The following FGGY variants were observed in gnomAD, a reference collection of about 807,000 sequenced individuals.
FGGY encodes FGGY carbohydrate kinase domain containing, also known as FGGY carbohydrate kinase domain-containing protein.
A neutral mutation model predicts 71.3 loss-of-function variants in FGGY; 72 were observed. That is an observed-to-expected ratio of 1.01 (90% CI 0.84 to 1.23). The LOEUF (loss-of-function observed/expected upper bound fraction) is 1.23. FGGY is among the 50% of genes most tolerant of loss of function. The probability of loss-of-function intolerance (pLI) is 0.00; values close to 1 mark genes in which losing one functional copy is unlikely to be tolerated. For synonymous variants in FGGY, 251 were observed against 250.3 expected (o/e 1.00, Z -0.02); for missense variants, 668 against 682.3 (o/e 0.98, Z 0.23).
chr1:59,419,144 T>C (rs986218332), intron 5 of FGGY, among the ~76,000 whole-genome samples: 4 of 152,178 alleles, frequency 2.6e-5, no homozygotes, highest in African/African-American at 9.7e-5. Flanking sequence ...GTGGTGGTTG[T>C]GGTGCTAGTG....
intron 5 of FGGY, among the ~76,000 whole-genome samples, chr1:59,451,595 C>A (rs1263773813): frequency 6.6e-6 from 1 of 152,046 alleles, no homozygotes; most frequent in Non-Finnish European, 1.5e-5. Flanking sequence ...GTCTCAGTGT[C>A]TACTGGTTCC....
intron 14 of FGGY, among the ~76,000 whole-genome samples, chr1:59,733,792 C>A (rs543669201): frequency 6.6e-5 from 10 of 152,360 alleles, no homozygotes; most frequent in African/African-American, 2.2e-4. Context: ...CCTCACTCTG[C>A]ATCCCCCTAA....
intron 4 of FGGY, among the ~76,000 whole-genome samples, chr1:59,362,861 A>G (rs835437): frequency 0.02 from 3,110 of 152,320 alleles, 105 homozygotes; most frequent in African/African-American, 0.071. Flanking sequence ...TAGGAAGTAT[A>G]TTCCTGCCTT....
chr1:59,656,525 A>G (rs1394682509), intron 11 of FGGY, among the ~76,000 whole-genome samples: 5 of 152,194 alleles, frequency 3.3e-5, no homozygotes, highest in African/African-American at 1.2e-4. Context: ...AATTAAATGG[A>G]CTTAACGATC....
chr1:59,545,606 T>C (rs2095508311), intron 7 of FGGY, among the ~76,000 whole-genome samples: 1 of 152,242 alleles, frequency 6.6e-6, no homozygotes, highest in South Asian at 2.1e-4. Flanking sequence ...AAGTCTCAAA[T>C]TTCCAAGCTA....
intron 14 of FGGY, among the ~76,000 whole-genome samples, chr1:59,692,416 G>A (rs1037447526): frequency 2.6e-5 from 4 of 152,142 alleles, no homozygotes; most frequent in African/African-American, 9.7e-5. Context: ...AAGGTCCAGG[G>A]AAGATAATTA....
intron 8 of FGGY, among the ~76,000 whole-genome samples, chr1:59,592,424 C>T (rs1038320589): frequency 6.6e-6 from 1 of 152,092 alleles, no homozygotes; most frequent in Non-Finnish European, 1.5e-5. Flanking sequence ...ACCCAGCCAT[C>T]CCATTACTGG....
chr1:59,456,972 C>G lies in FGGY; in HGVS notation c.566C>G (p.Ser189Cys). The G allele has an allele frequency of 6.2e-7, 1 of 1,613,032 alleles. No homozygotes were observed. Among genetic ancestry groups the G allele is most frequent in the South Asian group, 1.1e-5 (1 of 91,056 alleles). The change falls in exon 6 of 16, where the codon TCC (serine) becomes TGC (cysteine). Residue 189 changes from serine to cysteine, a missense_variant. Physicochemically the swap from Ser to Cys is moderately radical, Grantham distance 112. This residue lies in a region of FGGY where 661 missense variants were observed against 661.6 expected (regional missense o/e 1.00). Coordinates refer to ENST00000303721, the MANE Select transcript of FGGY (RefSeq NM_018291.5). The stretch of plus-strand genomic sequence containing the variant: ...TTCTATTTTCTTAGGTCTCTCTGCT[C>G]CCTGGTGTGTAAGTGGACATATTCA... Reference protein sequence around the residue: ...ATGVTARSLCSLVCKWTYSAE... With the variant: ...ATGVTARSLCCLVCKWTYSAE...
chr1:59,753,508 ATATATG>A (rs1396777941), intron 14 of FGGY, among the ~76,000 whole-genome samples: 3 of 126,022 alleles, frequency 2.4e-5, no homozygotes, highest in East Asian at 2.6e-4. Context: ...ATATATATAT[ATATATG>A]GCATTACATG....
Position 59,604,479 on chromosome 1 carries a change from C to T in FGGY, c.904-3324C>T, listed in dbSNP as rs1056404939. On this transcript the variant is annotated intron_variant, in intron 8 of 15. Coordinates refer to ENST00000303721, the MANE Select transcript of FGGY (RefSeq NM_018291.5). ...ACAGAGGTCAACTCAAAACTTTCTC[C>T]CTGGACAGAGCCAAGCAAAACCATT... Among the ~76,000 whole-genome samples the T allele has an allele frequency of 5.9e-5, 9 of 152,264 alleles. No individual in the cohort carries two copies. The South Asian group carries it at 1.9e-3, about 32-fold the overall frequency.
At chr1:59,364,317 C>T (rs2056185414) in intron 4 of FGGY, among the ~76,000 whole-genome samples, 1 of 152,208 alleles carries the variant, frequency 6.6e-6, no homozygotes, top group South Asian at 2.1e-4. Flanking sequence ...CCTGCTAACC[C>T]TGAGAGAAGA....
At chr1:59,485,285 C>T (rs2093624079) in intron 6 of FGGY, among the ~76,000 whole-genome samples, 1 of 152,196 alleles carries the variant, frequency 6.6e-6, no homozygotes, top group Admixed American at 6.5e-5. Flanking sequence ...CATTTCCCAG[C>T]TCCCTTTGCA....
chr1:59,467,558 T>C (rs1235476458), intron 6 of FGGY, among the ~76,000 whole-genome samples: 1 of 152,158 alleles, frequency 6.6e-6, no homozygotes, highest in East Asian at 1.9e-4. Context: ...CTTTCTTTGA[T>C]CTTACATTTC....
At chr1:59,407,551 G>A (rs375547841) in intron 5 of FGGY, among the ~76,000 whole-genome samples, 3 of 151,880 alleles carry the variant, frequency 2.0e-5, no homozygotes, top group African/African-American at 7.3e-5. Flanking sequence ...TCATCCACGG[G>A]GAGAGAGAAA....
At chr1:59,669,685 G>A (rs1025559491) in intron 13 of FGGY, among the ~76,000 whole-genome samples, 1 of 151,262 alleles carries the variant, frequency 6.6e-6, no homozygotes, top group African/African-American at 2.4e-5. Flanking sequence ...ATGAGCCACC[G>A]CACCCGGCCC....
intron 8 of FGGY, among the ~76,000 whole-genome samples, chr1:59,573,383 A>G (rs1343114021): frequency 6.6e-6 from 1 of 152,110 alleles, no homozygotes; most frequent in East Asian, 1.9e-4. Context: ...TTTTGGAGTA[A>G]AAGGACATTA....
intron 11 of FGGY, among the ~76,000 whole-genome samples, chr1:59,653,537 T>C (rs867237024): frequency 3.2e-4 from 48 of 151,984 alleles, no homozygotes; most frequent in African/African-American, 1.1e-3. Flanking sequence ...CGTCACCCCT[T>C]TCTTTGACTC....
intron 2 of FGGY, among the ~76,000 whole-genome samples, chr1:59,324,766 C>A (rs1331617932): frequency 6.6e-6 from 1 of 152,156 alleles, no homozygotes; most frequent in Non-Finnish European, 1.5e-5. Flanking sequence ...CTCCACATGA[C>A]CCTACCTGGA....
At chr1:59,456,412 A>G (rs2091697175) in intron 5 of FGGY, among the ~76,000 whole-genome samples, 1 of 150,896 alleles carries the variant, frequency 6.6e-6, no homozygotes, top group Non-Finnish European at 1.5e-5. Context: ...TCATATACAG[A>G]TTGTTTAATC....
Sources: gnomAD v4.1 joint callset for allele counts (sites outside exome capture counted in the v4.1 genomes callset) on GRCh38, gnomAD v4.1.1 for gene constraint, gnomAD v4.1.1 regional missense constraint, MANE v1.5 for transcripts, NCBI Gene and HGNC (gene_info 2026-07-23, HGNC 2026-07-21) for gene names.